Variants in OPCML observed in about 807,000 individuals in gnomAD.
OPCML encodes the protein opioid binding protein/cell adhesion molecule like.
OPCML carries 13 observed loss-of-function variants against 37.8 expected under a neutral mutation model. The observed-to-expected ratio is 0.34, with a 90% CI of 0.22 to 0.55. The LOEUF is 0.55. Among genes scored for constraint, OPCML ranks in the 20% least tolerant of loss-of-function variants. OPCML has a pLI of 0.91. For synonymous variants in OPCML, 176 were observed against 168.8 expected (o/e 1.04, Z -0.33); for missense variants, 341 against 435.6 (o/e 0.78, Z 1.93).
intron 2 of OPCML, among the ~76,000 whole-genome samples, chr11:132,720,213 T>C (rs955115629): frequency 2.0e-5 from 3 of 152,216 alleles, no homozygotes; most frequent in African/African-American, 7.2e-5. Flanking sequence ...CCTGATAGGA[T>C]GGAAGACCAG....
intron 3 of OPCML, among the ~76,000 whole-genome samples, chr11:132,559,085 T>TA (rs537377532): frequency 6.8e-6 from 1 of 146,498 alleles, no homozygotes; most frequent in Non-Finnish European, 1.5e-5. Flanking sequence ...AAGAACAAAC[T>TA]AAAAAAAATA....
intron 7 of OPCML, chr11:132,435,299 T>A: frequency 7.9e-7 from 1 of 1,267,104 alleles, no homozygotes. Context: ...GCTGAAAGCT[T>A]GTGTCTGAGG....
chr11:133,132,857 CA>C (rs5795819), intron 1 of OPCML, among the ~76,000 whole-genome samples: 93,043 of 137,780 alleles, frequency 0.68, 30,598 homozygotes, highest in East Asian at 0.97. Flanking sequence ...CAAAGGGAAG[CA>C]AAAAAAAAAA....
intron 1 of OPCML, among the ~76,000 whole-genome samples, chr11:133,284,444 A>G (rs1261850230): frequency 6.6e-6 from 1 of 152,216 alleles, no homozygotes; most frequent in Non-Finnish European, 1.5e-5. Context: ...TGTTTGCAGC[A>G]CATACAAAAC....
At chr11:133,500,341 G>C (rs548956486) in intron 1 of OPCML, among the ~76,000 whole-genome samples, 1 of 152,166 alleles carries the variant, frequency 6.6e-6, no homozygotes, top group African/African-American at 2.4e-5. Context: ...CCACCCTGGC[G>C]TGAACAGTGG....
At chr11:133,375,637 C>T (rs952123893) in intron 1 of OPCML, among the ~76,000 whole-genome samples, 1 of 152,112 alleles carries the variant, frequency 6.6e-6, no homozygotes, top group Admixed American at 6.5e-5. Flanking sequence ...GCCTACTATA[C>T]TCTGCCTTCT....
At chr11:132,563,337 T>A (rs544265173) in intron 3 of OPCML, among the ~76,000 whole-genome samples, 1 of 152,030 alleles carries the variant, frequency 6.6e-6, no homozygotes, top group Non-Finnish European at 1.5e-5. Context: ...CATGTTAAAT[T>A]TGCATCTATA....
chr11:133,439,197 G>T, intron 1 of OPCML: 1 of 768,738 alleles, frequency 1.3e-6, no homozygotes, highest in Non-Finnish European at 1.6e-6. Context: ...TTGTGGGACT[G>T]AGCCCTTAAC....
intron 1 of OPCML, among the ~76,000 whole-genome samples, chr11:133,242,213 A>T (rs1592135414): frequency 6.6e-6 from 1 of 152,240 alleles, no homozygotes; most frequent in Admixed American, 6.5e-5. Flanking sequence ...CCTGAAGAAG[A>T]TTTAGAGAAT....
intron 1 of OPCML, among the ~76,000 whole-genome samples, chr11:133,033,665 C>A (rs934327371): frequency 6.6e-6 from 1 of 152,098 alleles, no homozygotes; most frequent in African/African-American, 2.4e-5. Flanking sequence ...TTGAATAGAG[C>A]ATTTTGCTAT....
chr11:132,952,744 C>T (rs1212367888), intron 1 of OPCML, among the ~76,000 whole-genome samples: 11 of 152,094 alleles, frequency 7.2e-5, no homozygotes, highest in Non-Finnish European at 5.9e-5. Context: ...CTGTGAGCGG[C>T]GTGCATGAGA....
At chr11:132,525,672 C>T (rs2096306163) in intron 4 of OPCML, 1 of 151,460 alleles carries the variant, frequency 6.6e-6, no homozygotes, top group Non-Finnish European at 1.5e-5. Context: ...AAATTTTAAA[C>T]TTACAAATAC....
intron 1 of OPCML, among the ~76,000 whole-genome samples, chr11:133,250,906 C>G (rs1255518995): frequency 2.0e-5 from 3 of 152,094 alleles, no homozygotes; most frequent in South Asian, 4.1e-4. Context: ...TCCCATTCCC[C>G]TTCACATTTC....
chr11:132,848,301 A>G (rs2725438), intron 2 of OPCML, among the ~76,000 whole-genome samples: 122,775 of 152,162 alleles, frequency 0.81, 49,529 homozygotes, highest in Middle Eastern at 0.85. Context: ...CTGTGAACAC[A>G]ATTTCTACAA....
intron 3 of OPCML, among the ~76,000 whole-genome samples, chr11:132,620,292 A>G (rs2137911323): frequency 6.6e-6 from 1 of 152,344 alleles, no homozygotes; most frequent in Middle Eastern, 3.4e-3. Context: ...AAACCCTCAG[A>G]TAAGTTGTTT....
In OPCML at chr11:133,174,680, G is replaced by A. The variant is rs567560577; in HGVS notation, c.62-231670C>T. Among the ~76,000 whole-genome samples, 177 of 149,372 alleles carry A rather than the reference G, an allele frequency of 1.2e-3. No individual in the cohort carries two copies. The highest frequency in any genetic ancestry group is 3.6e-3 in the South Asian group (17 of 4,716). On this transcript the variant is annotated intron_variant, in intron 1 of 7. Coordinates refer to ENST00000524381, the MANE Select transcript of OPCML (RefSeq NM_001012393.5). The surrounding 1 kb of genome is among the most constrained non-coding windows in gnomAD (Gnocchi z 4.6). The stretch of plus-strand genomic sequence containing the variant: ...AAAAGCAGGGGGAAGTTAAACACCT[G>A]AGTGAAGTGTGTGTATTTCTTGTCT...
intron 1 of OPCML, among the ~76,000 whole-genome samples, chr11:133,322,099 A>G (rs967754918): frequency 6.6e-6 from 1 of 152,230 alleles, no homozygotes; most frequent in African/African-American, 2.4e-5. Flanking sequence ...AATAAAAAAT[A>G]CAGATACAAG....
chr11:133,390,571 T>A (rs1235721308), intron 1 of OPCML, among the ~76,000 whole-genome samples: 1 of 152,018 alleles, frequency 6.6e-6, no homozygotes, highest in East Asian at 1.9e-4. Context: ...GGTCTTGGGG[T>A]CCAGCCAAGA....
chr11:133,231,175 A>T (rs747202961), intron 1 of OPCML, among the ~76,000 whole-genome samples: 8 of 152,184 alleles, frequency 5.3e-5, no homozygotes, highest in Non-Finnish European at 7.3e-5. Flanking sequence ...ATTTCATTGA[A>T]GCATAATCAG....
Sources: gnomAD v4.1 joint callset for allele counts (sites outside exome capture counted in the v4.1 genomes callset) on GRCh38, gnomAD v4.1.1 for gene constraint, Gnocchi (gnomAD v3.1) non-coding constraint, MANE v1.5 for transcripts, NCBI Gene and HGNC (gene_info 2026-07-23, HGNC 2026-07-21) for gene names.